Variants in OLA1 observed in about 807,000 individuals in gnomAD.
OLA1 encodes the protein Obg like ATPase 1.
OLA1 carries 14 observed loss-of-function variants against 48.4 expected under a neutral mutation model. The observed-to-expected ratio is 0.29, with a 90% confidence interval of 0.19 to 0.45. The LOEUF is 0.45. Ranked by LOEUF, OLA1 falls within the 20% of genes least tolerant of loss-of-function variation. The pLI is 1.00. For synonymous variants in OLA1, 127 were observed against 150.4 expected, an observed-to-expected ratio of 0.84 and a Z score of 1.14; for missense variants, 325 against 467.1, an observed-to-expected ratio of 0.70 and a Z score of 2.80.
In OLA1 at chr2:174,079,114, A is replaced by C. The variant is rs1481892837; in HGVS notation, c.967-24T>G. 1.9e-6 allele frequency: 3 copies of C among 1,571,034 alleles called. No individual in the cohort carries two copies. In the African/African-American group the frequency reaches 4.2e-5, roughly 22 times the overall value. ...TTCTTTGAAAAGAAAGACCAGAGAA[A>C]ACTAATTGCATTTAAGATGACTGAT... On this transcript the variant is annotated intron_variant, in intron 9 of 10. Transcript: ENST00000284719.
intron 2 of OLA1, among the ~76,000 whole-genome samples, chr2:174,229,938 C>T (rs1253957205): frequency 6.6e-6 from 1 of 152,184 alleles, no homozygotes; most frequent in Non-Finnish European, 1.5e-5. Flanking sequence ...GCACTCAGAA[C>T]TGCCTTCTAA....
intron 5 of OLA1, among the ~76,000 whole-genome samples, chr2:174,127,039 C>CT (rs2105370190): frequency 6.6e-6 from 1 of 152,346 alleles, no homozygotes; most frequent in South Asian, 2.1e-4. Context: ...ATACCTCACT[C>CT]TTCTGCTTTG....
chr2:174,163,777 AAT>A (rs199596842), intron 4 of OLA1, among the ~76,000 whole-genome samples: 3,420 of 32,400 alleles, frequency 0.11, 584 homozygotes, highest in Middle Eastern at 0.13. Context: ...TATATATATA[AAT>A]AAATGTTTGG....
At chr2:174,110,088 A>C (rs1201394882) in intron 7 of OLA1, among the ~76,000 whole-genome samples, 1 of 131,698 alleles carries the variant, frequency 7.6e-6, no homozygotes, top group Non-Finnish European at 1.6e-5. Flanking sequence ...TAGTTTGCTA[A>C]GGATTTTTTT....
At chr2:174,097,572 G>A (rs1685285435) in intron 7 of OLA1, among the ~76,000 whole-genome samples, 1 of 151,808 alleles carries the variant, frequency 6.6e-6, no homozygotes, top group African/African-American at 2.4e-5. Context: ...GGAGGCCGAG[G>A]TGGGTGGATC....
intron 3 of OLA1, among the ~76,000 whole-genome samples, chr2:174,225,889 T>G (rs1270428956): frequency 6.6e-6 from 1 of 152,176 alleles, no homozygotes; most frequent in African/African-American, 2.4e-5. Flanking sequence ...TGAGATTCTA[T>G]TTTCTATTGA....
In OLA1 at chr2:174,076,236, C is replaced by T. The variant is rs569786815; in HGVS notation, c.1090-709G>A. On this transcript the variant is annotated intron_variant, in intron 10 of 10. Transcript: ENST00000284719. ...TATGCAGATCCAGACATGCAATCTG[C>T]TGGTAATTTTAATAGAAGCAAGCAG... 3.9e-5 allele frequency among the ~76,000 whole-genome samples: 6 copies of T among 152,252 alleles called. No homozygotes were observed. The South Asian group carries it at 1.2e-3, about 32-fold the overall frequency.
At chr2:174,154,596 A>G (rs1020422735) in intron 4 of OLA1, among the ~76,000 whole-genome samples, 9 of 152,302 alleles carry the variant, frequency 5.9e-5, no homozygotes, top group African/African-American at 2.2e-4. Context: ...AGAGATCTCT[A>G]CCATACTTGA....
intron 10 of OLA1, 95 bp downstream of exon 10, chr2:174,078,873 C>A: frequency 7.8e-7 from 1 of 1,282,212 alleles, no homozygotes; most frequent in African/African-American, 1.5e-5. Context: ...TTAGACTACA[C>A]TCAGTTTAAA....
rs982034989 is a variant in OLA1, at chr2:174,138,645, A to C, written c.549+3180T>G. On this transcript the variant is annotated intron_variant, in intron 5 of 10. Coordinates refer to ENST00000284719, the MANE Select transcript of OLA1 (RefSeq NM_013341.5). The stretch of plus-strand genomic sequence containing the variant: ...TTCGATTTGTAAAACAACAACAAAA[A>C]CCCCCAAAACCCACAATATCTGTGG... 5.3e-5 allele frequency among the ~76,000 whole-genome samples: 8 copies of C among 151,986 alleles called. No homozygotes were observed. The South Asian group carries it at 6.2e-4, about 12-fold the overall frequency.
At chr2:174,150,023 T>C (rs1303622424) in intron 4 of OLA1, among the ~76,000 whole-genome samples, 1 of 152,218 alleles carries the variant, frequency 6.6e-6, no homozygotes, top group Non-Finnish European at 1.5e-5. Flanking sequence ...AGAGGCTTCA[T>C]TCACAGCAAT....
chr2:174,150,548 C>A (rs1686718786), intron 4 of OLA1, among the ~76,000 whole-genome samples: 1 of 152,182 alleles, frequency 6.6e-6, no homozygotes, highest in African/African-American at 2.4e-5. Flanking sequence ...TCAAAATAGA[C>A]CTATCTGACT....
At chr2:174,247,359 T>G (rs542552627) in intron 1 of OLA1, 3 of 238,090 alleles carry the variant, frequency 1.3e-5, no homozygotes. Flanking sequence ...GCGACAAAGC[T>G]AGGCTCTGTC....
chr2:174,220,022 T>C (rs1453410801), intron 4 of OLA1, among the ~76,000 whole-genome samples: 3 of 151,978 alleles, frequency 2.0e-5, no homozygotes, highest in African/African-American at 4.8e-5. Context: ...ATCCCAGGTA[T>C]TGGAGAGGTT....
chr2:174,151,902 C>T (rs1686757367), intron 4 of OLA1, among the ~76,000 whole-genome samples: 2 of 152,162 alleles, frequency 1.3e-5, no homozygotes, highest in African/African-American at 2.4e-5. Flanking sequence ...TTATTGCACA[C>T]TCCAAAAGCT....
intron 2 of OLA1, among the ~76,000 whole-genome samples, chr2:174,241,048 G>A (rs1395390246): frequency 6.6e-6 from 1 of 152,164 alleles, no homozygotes; most frequent in East Asian, 1.9e-4. Flanking sequence ...CTATGCCACT[G>A]CCACACCTCC....
At chr2:174,242,221 G>C (rs1352726344) in intron 2 of OLA1, among the ~76,000 whole-genome samples, 1 of 152,214 alleles carries the variant, frequency 6.6e-6, no homozygotes, top group Non-Finnish European at 1.5e-5. Context: ...TTTTTCCACG[G>C]ACCAAGGGTG....
Position 174,093,879 on chromosome 2 carries a change from C to CTGA in OLA1, c.729-11818_729-11816dup, listed in dbSNP as rs1219401749. The stretch of plus-strand genomic sequence containing the variant: ...GTTCAAAGAGGACAACAACAATAGG[C>CTGA]TGATGTAGTTTATAATCAAAATATA... On this transcript the variant is annotated intron_variant, in intron 7 of 10. Coordinates refer to ENST00000284719, the MANE Select transcript of OLA1 (RefSeq NM_013341.5). Among the ~76,000 whole-genome samples the CTGA allele has an allele frequency of 2.0e-5, 3 of 152,242 alleles. No homozygotes were observed. The East Asian group carries it at 5.8e-4, about 29-fold the overall frequency.
At chr2:174,091,930 C>A (rs1161290222) in intron 7 of OLA1, among the ~76,000 whole-genome samples, 11 of 131,300 alleles carry the variant, frequency 8.4e-5, no homozygotes, top group Non-Finnish European at 1.6e-4. Context: ...TCATTTTCTG[C>A]CAATCTCTAT....
Sources: gnomAD v4.1 joint callset for allele counts (sites outside exome capture counted in the v4.1 genomes callset) on GRCh38, gnomAD v4.1.1 for gene constraint, MANE v1.5 for transcripts, NCBI Gene and HGNC (gene_info 2026-07-23, HGNC 2026-07-21) for gene names.